Variants in GLI2 observed in about 807,000 individuals in gnomAD.
GLI2 encodes GLI family zinc finger 2, also known as transcription activator GLI2.
In GLI2, 22 loss-of-function variants were observed where a neutral mutation model predicts 78.9. The observed-to-expected ratio is 0.28, with a 90% CI of 0.20 to 0.40. GLI2 has a LOEUF of 0.40. Ranked by LOEUF, GLI2 falls within the 10% of genes least tolerant of loss-of-function variation. The pLI, the probability that GLI2 is intolerant of heterozygous loss-of-function variation, is 1.00. For synonymous variants in GLI2, 974 were observed against 963.7 expected, an observed-to-expected ratio of 1.01 and a Z score of -0.20; for missense variants, 2,097 against 2,213.2, an observed-to-expected ratio of 0.95 and a Z score of 1.05.
In GLI2 at chr2:120,951,317, C is replaced by T. The variant is rs753931354; in HGVS notation, c.329C>T (p.Pro110Leu). The T allele has an allele frequency of 6.2e-7, 1 of 1,604,150 alleles. No individual in the cohort carries two copies. Among genetic ancestry groups the T allele is most frequent in the Non-Finnish European group, 8.5e-7 (1 of 1,171,004 alleles). ...LIRLSPHPAG[P>L]GESPFNAPHP... ...CGGCTTTCCCCGCACCCGGCTGGCC[C>T]TGGGGAGTCCCCCTTCAACGCCCCC... Residue 110 changes from proline to leucine, a missense_variant, in exon 4 of 14, where the codon CCT becomes CTT. Physicochemically the swap from Pro to Leu is moderately conservative, Grantham distance 98 (BLOSUM62 -3). Around this residue, in one of 5 missense-constraint regions of GLI2, gnomAD observed 578 missense variants for 612.0 expected, o/e 0.94. Transcript: ENST00000361492.
chr2:120,822,292 GCAGTGTGCTATGGGCATAGTGCCCTGCA>G (rs1685818034), intron 2 of GLI2, among the ~76,000 whole-genome samples: 1 of 152,354 alleles, frequency 6.6e-6, no homozygotes, highest in East Asian at 1.9e-4. Context: ...CCTGGACCCA[GCAGTGTGCTATGGGCATAGTGCCCTGCA>G]CAGCGGGTCC....
At chr2:120,961,169 G>T (rs568759126) in intron 5 of GLI2, among the ~76,000 whole-genome samples, 1 of 152,214 alleles carries the variant, frequency 6.6e-6, no homozygotes, top group South Asian at 2.1e-4. Context: ...TGCTCATACT[G>T]CCTCCAAGCC....
chr2:120,889,015 C>T (rs947396934), intron 2 of GLI2, among the ~76,000 whole-genome samples: 2 of 152,252 alleles, frequency 1.3e-5, no homozygotes, highest in East Asian at 1.9e-4. Flanking sequence ...GCTAGACGGC[C>T]GTGAGGACTC....
At chr2:120,842,035 C>T (rs1372697835) in intron 2 of GLI2, among the ~76,000 whole-genome samples, 4 of 117,794 alleles carry the variant, frequency 3.4e-5, no homozygotes, top group Non-Finnish European at 6.8e-5. Flanking sequence ...GATTCAAACT[C>T]AATAGTTACC....
chr2:120,866,411 G>A (rs1346394491), intron 2 of GLI2: 2 of 152,268 alleles, frequency 1.3e-5, no homozygotes, highest in Non-Finnish European at 1.5e-5. Context: ...CAAATGTCTT[G>A]TACTTAATGG....
At chr2:120,938,747 A>T (rs533474220) in intron 3 of GLI2, among the ~76,000 whole-genome samples, 1 of 152,176 alleles carries the variant, frequency 6.6e-6, no homozygotes, top group South Asian at 2.1e-4. Context: ...CAACAGATAG[A>T]TGTTGTGGCC....
At chr2:120,845,469 C>T (rs1452679071) in intron 2 of GLI2, among the ~76,000 whole-genome samples, 1 of 152,204 alleles carries the variant, frequency 6.6e-6, no homozygotes, top group African/African-American at 2.4e-5. Context: ...CCACGTGGGC[C>T]TGGACTTTCT....
intron 2 of GLI2, among the ~76,000 whole-genome samples, chr2:120,846,585 G>A (rs1318054392): frequency 6.6e-6 from 1 of 152,228 alleles, no homozygotes; most frequent in Non-Finnish European, 1.5e-5. Context: ...TCGTGCCGAA[G>A]CACCTGTCCT....
rs563854449 is a variant in GLI2 at position 120,953,697 on chromosome 2, A to T, written c.458-1548A>T. Among the ~76,000 whole-genome samples the T allele has an allele frequency of 4.6e-5, 7 of 152,260 alleles. No homozygotes were observed. The South Asian group carries it at 1.5e-3, about 32-fold the overall frequency. ...CCACTGATTGCAGTGTAGCCCATGA[A>T]GAGCTGGGTGGGCTGGGCACAGTGG... is the stretch of plus-strand genomic sequence containing the variant. On this transcript the variant is annotated intron_variant, in intron 4 of 13. Transcript: ENST00000361492.
chr2:120,983,115 C>T (rs1682792398), intron 11 of GLI2, among the ~76,000 whole-genome samples: 1 of 152,190 alleles, frequency 6.6e-6, no homozygotes, highest in African/African-American at 2.4e-5. Flanking sequence ...CCATGGCATA[C>T]TGACCCTCTC....
chr2:120,816,446 A>T (rs1193592309), intron 2 of GLI2, among the ~76,000 whole-genome samples: 4 of 152,034 alleles, frequency 2.6e-5, no homozygotes, highest in Admixed American at 6.6e-5. Flanking sequence ...CGGCCCATCT[A>T]GGCCTCCCAA....
rs773417936 is a variant in GLI2 at position 120,989,351 on chromosome 2, G to T, written c.3386G>T (p.Trp1129Leu). The change falls in exon 14 of 14, where the codon TGG becomes TTG. Residue 1129 changes from tryptophan to leucine, a missense_variant. By Grantham distance (61) the Trp-to-Leu change is moderately conservative. Transcript: ENST00000361492. Reference protein sequence around the residue: ...SLNKNNMPVQWNEVSSGTVDA... With the variant: ...SLNKNNMPVQLNEVSSGTVDA... Reference sequence around the variant, plus strand: ...AACAAAAATAACATGCCTGTGCAGTGGAATGAGGTGAGCTCCGGCACCGTA... The same window carrying T: ...AACAAAAATAACATGCCTGTGCAGTTGAATGAGGTGAGCTCCGGCACCGTA... 2.5e-6 allele frequency: 4 copies of T among 1,613,014 alleles called. No individual in the cohort carries two copies. The highest frequency in any genetic ancestry group is 3.4e-6 in the Non-Finnish European group (4 of 1,179,988).
intron 1 of GLI2, among the ~76,000 whole-genome samples, chr2:120,736,881 C>A (rs1165755119): frequency 6.7e-6 from 1 of 150,282 alleles, no homozygotes; most frequent in African/African-American, 2.5e-5. Context: ...CTCGGCCCCC[C>A]CTCTTTGCCT....
chr2:120,951,165 T>G, intron 3 of GLI2, 78 bp from the exon 4 acceptor site: 3 of 821,878 alleles, frequency 3.7e-6, no homozygotes, highest in Non-Finnish European at 6.6e-6. Flanking sequence ...AGACAAGGAC[T>G]GTCCATGTTG....
At chr2:120,860,723 T>A (rs1271805184) in intron 2 of GLI2, among the ~76,000 whole-genome samples, 1 of 152,194 alleles carries the variant, frequency 6.6e-6, no homozygotes, top group Non-Finnish European at 1.5e-5. Flanking sequence ...GGGTTCCTTA[T>A]GGATCCTGGG....
At chr2:120,751,873 G>A (rs1682883382) in intron 1 of GLI2, among the ~76,000 whole-genome samples, 1 of 152,160 alleles carries the variant, frequency 6.6e-6, no homozygotes, top group South Asian at 2.1e-4. Flanking sequence ...GTGAGATCAT[G>A]TTTAAGGCTC....
chr2:120,777,054 G>A (rs1275311669), intron 1 of GLI2, among the ~76,000 whole-genome samples: 2 of 152,246 alleles, frequency 1.3e-5, no homozygotes, highest in Non-Finnish European at 2.9e-5. Flanking sequence ...CTGTGTGCAC[G>A]CGTGTGTGTG....
At chr2:120,964,304 G>A (rs929480975) in intron 5 of GLI2, among the ~76,000 whole-genome samples, 1 of 152,224 alleles carries the variant, frequency 6.6e-6, no homozygotes, top group Non-Finnish European at 1.5e-5. Flanking sequence ...CCTGGTGGCT[G>A]GAGTGAGGAG....
intron 2 of GLI2, among the ~76,000 whole-genome samples, chr2:120,893,637 TGAAAG>T (rs1677788813): frequency 1.1e-5 from 1 of 91,780 alleles, no homozygotes; most frequent in South Asian, 3.3e-4. Flanking sequence ...AAAAAAGAAA[TGAAAG>T]GAAAAAAGAA....
Sources: gnomAD v4.1 joint callset for allele counts (sites outside exome capture counted in the v4.1 genomes callset) on GRCh38, gnomAD v4.1.1 for gene constraint, gnomAD v4.1.1 regional missense constraint, MANE v1.5 for transcripts, NCBI Gene and HGNC (gene_info 2026-07-23, HGNC 2026-07-21) for gene names.